Variants in GOSR1 observed in about 807,000 individuals in gnomAD.
GOSR1 encodes the protein golgi SNAP receptor complex member 1, also known as 28 kDa Golgi SNARE protein.
Under a neutral mutation model 35.5 loss-of-function variants are expected in GOSR1, and 21 were observed. The ratio of observed to expected loss-of-function variants is 0.59; its 90% CI spans 0.42 to 0.85. GOSR1 has a LOEUF of 0.85. Among genes scored for constraint, GOSR1 ranks in the 40% least tolerant of loss-of-function variants. The pLI, the probability that GOSR1 is intolerant of heterozygous loss-of-function variation, is 0.00. For synonymous variants in GOSR1, 94 were observed against 106.6 expected (o/e 0.88, Z 0.73); for missense variants, 285 against 309.6 (o/e 0.92, Z 0.60).
chr17:30,489,431 G>A (rs190035281), intron 4 of GOSR1, among the ~76,000 whole-genome samples: 1 of 152,140 alleles, frequency 6.6e-6, no homozygotes, highest in Admixed American at 6.5e-5. Flanking sequence ...ACAAAATGAT[G>A]GTAACAGTTA....
rs1968151331 is a variant in GOSR1 at position 30,524,535 on chromosome 17, C to CT, written c.*2157_*2158insT. On this transcript the variant is annotated 3_prime_UTR_variant, in exon 9 of 9. Transcript: ENST00000451249. ...TATTTAAGGCACCAGTCATTGTTTC[C>CT]ATTTTTTTTTTAATTCTTCCCTTGG... is the stretch of plus-strand genomic sequence containing the variant. 27 of 106,288 alleles carry CT rather than the reference C, an allele frequency of 2.5e-4. No homozygotes were observed. The highest frequency in any genetic ancestry group is 9.5e-3 in the Middle Eastern group (2 of 210). 6.6% of individuals were successfully genotyped at this position (106,288 alleles called of 1,614,324 possible).
intron 6 of GOSR1, among the ~76,000 whole-genome samples, chr17:30,500,289 A>G (rs1051984161): frequency 5.9e-5 from 9 of 151,760 alleles, no homozygotes; most frequent in Non-Finnish European, 1.2e-4. Flanking sequence ...TTCTTTCAGG[A>G]GTTTTAGTTT....
chr17:30,504,586 T>G (rs1967333362), intron 6 of GOSR1, among the ~76,000 whole-genome samples: 2 of 152,210 alleles, frequency 1.3e-5, no homozygotes, highest in African/African-American at 4.8e-5. Flanking sequence ...GAAAATGGTT[T>G]CATTACATGT....
intron 6 of GOSR1, among the ~76,000 whole-genome samples, chr17:30,502,509 A>G (rs1967247935): frequency 6.6e-6 from 1 of 152,248 alleles, no homozygotes; most frequent in African/African-American, 2.4e-5. Context: ...TTAAAAAGGA[A>G]AAAGTGATTT....
intron 6 of GOSR1, among the ~76,000 whole-genome samples, chr17:30,508,140 AT>A (rs753401736): frequency 6.6e-6 from 1 of 152,234 alleles, no homozygotes; most frequent in Non-Finnish European, 1.5e-5. Flanking sequence ...TTAGTAAGAC[AT>A]TTAGGATAGG....
At position 30,526,779 on chromosome 17, in the gene GOSR1, G is replaced by A. The variant is rs1192541417; in HGVS notation, c.*4401G>A. On this transcript the variant is annotated 3_prime_UTR_variant, in exon 9 of 9. Coordinates refer to ENST00000451249, the MANE Select transcript of GOSR1 (RefSeq NM_001007025.2). ...TTCTGACTGTATAGAAGAAGCTTTG[G>A]TATGTAATTTAATAATAAATTAGAA... The A allele has an allele frequency of 6.6e-6, 1 of 152,500 alleles. No individual in the cohort carries two copies. Among genetic ancestry groups the A allele is most frequent in the African/African-American group, 2.4e-5 (1 of 41,392 alleles). 9.4% of individuals were successfully genotyped at this position (152,500 alleles called of 1,614,324 possible). A position where few individuals can be genotyped will look rare whatever the true frequency, so the allele number is the denominator to read the frequency against.
At chr17:30,484,816 GTTTT>G in intron 4 of GOSR1, 46 bp downstream of exon 4, 1 of 818,950 alleles carries the variant, frequency 1.2e-6, no homozygotes, top group Non-Finnish European at 2.0e-6. Context: ...AGGAGTTTGG[GTTTT>G]TTTTTTTTTA....
At chr17:30,496,890 T>C (rs1967025572) in intron 6 of GOSR1, among the ~76,000 whole-genome samples, 1 of 152,226 alleles carries the variant, frequency 6.6e-6, no homozygotes, top group South Asian at 2.1e-4. Context: ...ACTGTTTTCA[T>C]AGAAGTACTC....
Position 30,524,956 on chromosome 17 carries a change from T to A in GOSR1, c.*2578T>A, listed in dbSNP as rs887794323. On this transcript the variant is annotated 3_prime_UTR_variant, in exon 9 of 9. Transcript: ENST00000451249. ...GTCTCTCTCTGCACCTGTCTTCTGT[T>A]ACCATCCCTGGACAGTGACAGATTT... 1 of 152,216 alleles carries A rather than the reference T, an allele frequency of 6.6e-6. No homozygotes were observed. The highest frequency in any genetic ancestry group is 1.5e-5 in the Non-Finnish European group (1 of 68,026). 9.4% of individuals were successfully genotyped at this position (152,216 alleles called of 1,614,324 possible).
chr17:30,522,593 T>TAAA lies in GOSR1; in HGVS notation c.*229_*231dup, dbSNP rs34897756. On this transcript the variant is annotated 3_prime_UTR_variant, in exon 9 of 9. Coordinates refer to ENST00000451249, the MANE Select transcript of GOSR1 (RefSeq NM_001007025.2). ...TCTAACACATTTTTCTGTTTTTAAT[T>TAAA]AAAAAAAAAAAAAAAAGGTTTTCAG... is the stretch of plus-strand genomic sequence containing the variant. The TAAA allele has an allele frequency of 1.7e-4, 42 of 251,568 alleles. No homozygotes were observed. The highest frequency in any genetic ancestry group is 8.2e-4 in the African/African-American group (33 of 40,122). 15.6% of individuals were successfully genotyped at this position (251,568 alleles called of 1,614,324 possible). A position where few individuals can be genotyped will look rare whatever the true frequency, so the allele number is the denominator to read the frequency against.
chr17:30,514,235 A>C (rs1230328887), intron 7 of GOSR1, among the ~76,000 whole-genome samples: 3 of 152,176 alleles, frequency 2.0e-5, no homozygotes, highest in Admixed American at 1.3e-4. Flanking sequence ...CTTCTGCTCT[A>C]ATCTTGACTG....
At chr17:30,515,294 A>ATTTTTTTT (rs35911853) in intron 7 of GOSR1, among the ~76,000 whole-genome samples, 4 of 139,522 alleles carry the variant, frequency 2.9e-5, no homozygotes, top group Non-Finnish European at 3.1e-5. Context: ...TGCCCAGCTA[A>ATTTTTTTT]TTTTTTTTTT....
rs1034415118 is a variant in GOSR1, at chr17:30,524,361, A to G, written c.*1983A>G. The G allele has an allele frequency of 6.6e-6, 1 of 152,140 alleles. No homozygotes were observed. The highest frequency in any genetic ancestry group is 2.4e-5 in the African/African-American group (1 of 41,412). The allele number at this position is 152,140 out of a possible 1,614,324, so 9.4% of individuals were successfully genotyped here. On this transcript the variant is annotated 3_prime_UTR_variant, in exon 9 of 9. Transcript: ENST00000451249. ...ATATTTGGGGAAAATTCTGTTTTTC[A>G]TAGATTCTTTGAGATGCTGATGGAC...
At chr17:30,517,192 T>C (rs1967852491) in intron 7 of GOSR1, among the ~76,000 whole-genome samples, 1 of 152,238 alleles carries the variant, frequency 6.6e-6, no homozygotes, top group Non-Finnish European at 1.5e-5. Context: ...CATTTTTCTT[T>C]ATTAGATATT....
intron 7 of GOSR1, 114 bp downstream of exon 7, chr17:30,511,023 C>A (rs925872089): frequency 5.2e-5 from 33 of 639,972 alleles, no homozygotes; most frequent in Admixed American, 1.6e-4. Context: ...ATGAACAGAT[C>A]AAAGTTCGTT....
chr17:30,509,807 A>G (rs183445599), intron 6 of GOSR1, among the ~76,000 whole-genome samples: 100 of 152,080 alleles, frequency 6.6e-4, no homozygotes, highest in African/African-American at 2.3e-3. Context: ...AATTTTAGTT[A>G]AAAAAAAGCC....
intron 1 of GOSR1, chr17:30,477,826 A>G: frequency 1.0e-6 from 1 of 985,378 alleles, no homozygotes; most frequent in Non-Finnish European, 1.2e-6. Context: ...TTGAGGGAGA[A>G]GATCCAGAGC....
chr17:30,521,167 CTTTTTTTTTTTTTTTT>C (rs71360748), intron 8 of GOSR1, among the ~76,000 whole-genome samples: 5 of 64,208 alleles, frequency 7.8e-5, no homozygotes, highest in Non-Finnish European at 1.3e-4. Context: ...TTCTCTCTCT[CTTTTTTTTTTTTTTTT>C]TTTTTTTTTT....
chr17:30,477,608 C>T (rs1212596595), intron 1 of GOSR1, 144 bp downstream of exon 1: 4 of 1,385,218 alleles, frequency 2.9e-6, no homozygotes, highest in Non-Finnish European at 3.8e-6. Context: ...GTGGGATCCC[C>T]GGGGCCTTGG....
Sources: gnomAD v4.1 joint callset for allele counts (sites outside exome capture counted in the v4.1 genomes callset) on GRCh38, gnomAD v4.1.1 for gene constraint, MANE v1.5 for transcripts, NCBI Gene and HGNC (gene_info 2026-07-23, HGNC 2026-07-21) for gene names.